Variants in PTPRN2 observed in about 807,000 individuals in gnomAD.
PTPRN2 encodes the protein protein tyrosine phosphatase receptor type N2.
PTPRN2 carries 74 observed loss-of-function variants against 118.8 expected under a neutral mutation model. That is an observed-to-expected ratio of 0.62 (90% CI 0.52 to 0.76). The LOEUF is 0.76. Ranked by LOEUF, PTPRN2 falls within the 30% of genes least tolerant of loss-of-function variation. The pLI is 0.00. For missense variants in PTPRN2, 1,481 were observed against 1,394.4 expected, an observed-to-expected ratio of 1.06 and a Z score of -0.99; for synonymous variants, 641 against 608.0, an observed-to-expected ratio of 1.05 and a Z score of -0.80.
chr7:158,167,451 A>G (rs1427453001), intron 5 of PTPRN2, among the ~76,000 whole-genome samples, 160 bp from the exon 6 acceptor site: 1 of 151,232 alleles, frequency 6.6e-6, no homozygotes, highest in Non-Finnish European at 1.5e-5. Flanking sequence ...AGCCCTGGAC[A>G]TCTCTGAAAT....
intron 2 of PTPRN2, among the ~76,000 whole-genome samples, chr7:158,455,855 C>T (rs79139232): frequency 2.4e-5 from 1 of 42,276 alleles, no homozygotes; most frequent in Non-Finnish European, 5.6e-5. Context: ...CTGCAGAGAA[C>T]ATAACAGCAC....
intron 9 of PTPRN2, among the ~76,000 whole-genome samples, chr7:158,123,953 C>T (rs563127843): frequency 4.7e-5 from 7 of 149,576 alleles, no homozygotes; most frequent in South Asian, 4.3e-4. Flanking sequence ...CCGACCCAGG[C>T]GGAGCTGGTT....
chr7:157,849,115 T>G (rs1809087811), intron 12 of PTPRN2, among the ~76,000 whole-genome samples: 1 of 152,114 alleles, frequency 6.6e-6, no homozygotes, highest in African/African-American at 2.4e-5. Context: ...CCTTCTCAGT[T>G]CCCACCGGCC....
At position 157,874,802 on chromosome 7, in the gene PTPRN2, CAG is replaced by C; in HGVS notation, c.1788+23869_1788+23870del. ...GAACACACTCATACACATATACACA[CAG>C]AGACACACTCATGGACACACACAGA... On this transcript the variant is annotated intron_variant, in intron 12 of 22. Transcript: ENST00000389418. This position sits in a 1 kb window ranked among gnomAD's most constrained non-coding sequence, Gnocchi z 5.8. Among the ~76,000 whole-genome samples the C allele has an allele frequency of 8.9e-6, 1 of 112,746 alleles. No homozygotes were observed. Among genetic ancestry groups the C allele is most frequent in the Middle Eastern group, 5.0e-3 (1 of 202 alleles). The allele number at this position is 112,746 out of a possible 152,430, so 74.0% of individuals were successfully genotyped here. A position where few individuals can be genotyped will look rare whatever the true frequency, so the allele number is the denominator to read the frequency against.
Position 158,273,447 on chromosome 7 carries a change from AGGAGCCGCAGACGCAGGG to A in PTPRN2, c.277+43354_277+43371del, listed in dbSNP as rs1285101764. 1.3e-4 allele frequency among the ~76,000 whole-genome samples: 9 copies of A among 69,892 alleles called. 1 individual carries two copies. Among genetic ancestry groups the A allele is most frequent in the East Asian group, 4.3e-4 (1 of 2,326 alleles). The allele number at this position is 69,892 out of a possible 152,430, so 45.9% of individuals were successfully genotyped here. On this transcript the variant is annotated intron_variant, in intron 3 of 22. Transcript: ENST00000389418. ...GGGAGGAGCCGCAGACAGACGCGGG[AGGAGCCGCAGACGCAGGG>A]GGAGCCGCAGGCACAGGGGGAGCCG... is the stretch of plus-strand genomic sequence containing the variant.
At chr7:158,213,272 T>C (rs531313860) in intron 3 of PTPRN2, among the ~76,000 whole-genome samples, 1 of 148,846 alleles carries the variant, frequency 6.7e-6, no homozygotes, top group Non-Finnish European at 1.5e-5. Context: ...GTCCAGAACA[T>C]GATGAGAACC....
rs568835862 is a variant in PTPRN2, at chr7:157,915,867, G to A, written c.1724-17130C>T. On this transcript the variant is annotated intron_variant, in intron 11 of 22. Transcript: ENST00000389418. ...TCTCGTAGTTTTGTTTTTGGAATGA[G>A]GGTGAGTCCCAATATTTGTTTCTTC... is the stretch of plus-strand genomic sequence containing the variant. Among the ~76,000 whole-genome samples the A allele has an allele frequency of 2.7e-4, 41 of 152,190 alleles. No individual in the cohort carries two copies. The Middle Eastern group carries it at 0.017, about 63-fold the overall frequency.
chr7:158,451,337 G>C (rs560216207), intron 2 of PTPRN2, among the ~76,000 whole-genome samples: 1 of 152,182 alleles, frequency 6.6e-6, no homozygotes, highest in Non-Finnish European at 1.5e-5. Context: ...TTTTTACTAA[G>C]AGTTATTCTT....
At chr7:157,833,170 T>G in intron 12 of PTPRN2, among the ~76,000 whole-genome samples, 1 of 147,784 alleles carries the variant, frequency 6.8e-6, no homozygotes. Context: ...TCAGGAAGTA[T>G]GCGACGTGGC....
Position 158,138,344 on chromosome 7 carries a change from C to T in PTPRN2, c.1082G>A (p.Gly361Glu). 1.2e-6 allele frequency: 2 copies of T among 1,613,744 alleles called. No homozygotes were observed. Among genetic ancestry groups the T allele is most frequent in the Non-Finnish European group, 1.7e-6 (2 of 1,180,024 alleles). The change falls in exon 7 of 23, where the codon GGA (glycine) becomes GAA (glutamate). Residue 361 changes from glycine (G) to glutamate (E), a missense_variant. Transcript: ENST00000389418. Reference protein sequence around the residue: ...SPGRAALGESGEQADGPKATL... With the variant: ...SPGRAALGESEEQADGPKATL... ...GGCCTTGGGGCCATCCGCCTGTTCT[C>T]CAGACTCTCCCAGGGCCGCTCTCCC...
intron 22 of PTPRN2, among the ~76,000 whole-genome samples, chr7:157,547,383 G>A (rs112372059): frequency 5.9e-5 from 9 of 152,224 alleles, no homozygotes; most frequent in African/African-American, 1.9e-4. Flanking sequence ...TGGTCAGTGC[G>A]GCAAGATGGA....
At chr7:158,492,398 C>T (rs577243338) in intron 1 of PTPRN2, among the ~76,000 whole-genome samples, 16 of 152,316 alleles carry the variant, frequency 1.1e-4, no homozygotes, top group African/African-American at 3.6e-4. Context: ...GGAGAGGCAC[C>T]GGGAAGAAAG....
chr7:158,091,617 T>G (rs1325192774), intron 10 of PTPRN2, among the ~76,000 whole-genome samples: 5 of 148,430 alleles, frequency 3.4e-5, no homozygotes, highest in Non-Finnish European at 6.0e-5. Flanking sequence ...GAGAGATGGT[T>G]GGGTGAGTGG....
chr7:157,672,721 T>C (rs750952104), intron 13 of PTPRN2, among the ~76,000 whole-genome samples: 3 of 152,254 alleles, frequency 2.0e-5, no homozygotes, highest in Non-Finnish European at 4.4e-5. Context: ...CCAGCACTTA[T>C]CACTTGTAAA....
At chr7:158,329,422 C>A (rs1388417164) in intron 2 of PTPRN2, among the ~76,000 whole-genome samples, 1 of 152,196 alleles carries the variant, frequency 6.6e-6, no homozygotes, top group Non-Finnish European at 1.5e-5. Context: ...CGAAACCAGC[C>A]CCGGGTGCTG....
At chr7:157,547,909 G>A (rs553983388) in intron 22 of PTPRN2, among the ~76,000 whole-genome samples, 2 of 152,352 alleles carry the variant, frequency 1.3e-5, no homozygotes, top group South Asian at 2.1e-4. Context: ...TCGCGTGGCC[G>A]CCCTGGGCGT....
intron 11 of PTPRN2, among the ~76,000 whole-genome samples, chr7:158,071,806 AGGTGCTCGTCGTATGGAGGTGCCCG>A (rs1563393631): frequency 1.0e-4 from 7 of 67,214 alleles, no homozygotes; most frequent in African/African-American, 4.9e-4. Flanking sequence ...CTCCTGGTGG[AGGTGCTCGTCGTATGGAGGTGCCCG>A]TGGTGGAGGT....
intron 14 of PTPRN2, among the ~76,000 whole-genome samples, chr7:157,654,769 T>A (rs781006017): frequency 6.6e-6 from 1 of 152,166 alleles, no homozygotes; most frequent in African/African-American, 2.4e-5. Flanking sequence ...CAGGTACCAA[T>A]AGAGCTTGAG....
At chr7:157,644,812 A>C (rs1433662707) in intron 14 of PTPRN2, among the ~76,000 whole-genome samples, 1 of 133,138 alleles carries the variant, frequency 7.5e-6, no homozygotes, top group Admixed American at 8.0e-5. Flanking sequence ...CAAAAAAAAA[A>C]AAACAAAAAA....
Sources: allele counts gnomAD v4.1 joint callset (sites outside exome capture counted in the v4.1 genomes callset), GRCh38; gene constraint gnomAD v4.1.1; non-coding constraint Gnocchi (gnomAD v3.1); transcripts MANE v1.5; gene names NCBI Gene and HGNC (gene_info 2026-07-23, HGNC 2026-07-21).